Variants in GLI3 observed in about 807,000 individuals in gnomAD.
GLI3 encodes the protein transcription activator GLI3.
A neutral mutation model predicts 100.8 loss-of-function variants in GLI3; 20 were observed. The ratio of observed to expected loss-of-function variants is 0.20; its 90% CI spans 0.14 to 0.29. The LOEUF (loss-of-function observed/expected upper bound fraction) is 0.29, where lower values mean the gene tolerates loss of function less well. GLI3 is among the 10% of genes least tolerant of loss of function. The pLI is 1.00. For missense variants in GLI3, 2,040 were observed against 2,128.5 expected (o/e 0.96, Z 0.82); for synonymous variants, 938 against 860.5 (o/e 1.09, Z -1.58).
intron 3 of GLI3, among the ~76,000 whole-genome samples, chr7:42,120,738 T>C (rs557563541): frequency 9.8e-5 from 15 of 152,334 alleles, no homozygotes; most frequent in African/African-American, 3.6e-4. Context: ...TAACTTGGAA[T>C]TGGTGCATGA....
At chr7:42,025,188 GAGGA>G in intron 9 of GLI3, 72 bp downstream of exon 9, 1 of 911,516 alleles carries the variant, frequency 1.1e-6, no homozygotes, top group Non-Finnish European at 1.8e-6. Context: ...CAGGTCTGGG[GAGGA>G]AGCGGGAGCT....
intron 5 of GLI3, among the ~76,000 whole-genome samples, chr7:42,045,882 T>C (rs929753858): frequency 6.6e-6 from 1 of 152,218 alleles, no homozygotes. Context: ...TTTGCATTTC[T>C]TACAATAGTA....
At chr7:42,084,696 T>G (rs1268452348) in intron 3 of GLI3, among the ~76,000 whole-genome samples, 2 of 152,214 alleles carry the variant, frequency 1.3e-5, no homozygotes, top group African/African-American at 4.8e-5. Flanking sequence ...GGAAATCACA[T>G]GTAAACATAT....
intron 1 of GLI3, among the ~76,000 whole-genome samples, chr7:42,253,667 A>G (rs1789056165): frequency 1.3e-5 from 2 of 152,220 alleles, no homozygotes; most frequent in South Asian, 4.2e-4. Context: ...AAGTTAATTA[A>G]AATTTCTATT....
At chr7:42,140,691 T>G (rs750341241) in intron 3 of GLI3, among the ~76,000 whole-genome samples, 6 of 152,172 alleles carry the variant, frequency 3.9e-5, no homozygotes, top group Non-Finnish European at 8.8e-5. Flanking sequence ...AATCAAGCCC[T>G]TTCCCTAAGA....
chr7:42,075,696 C>G (rs1032953539), intron 4 of GLI3, among the ~76,000 whole-genome samples: 2 of 152,168 alleles, frequency 1.3e-5, no homozygotes, highest in African/African-American at 4.8e-5. Context: ...TATTACTTAC[C>G]TCCAGGCAAA....
chr7:42,018,243 A>T (rs531683410), intron 10 of GLI3, among the ~76,000 whole-genome samples: 3 of 152,346 alleles, frequency 2.0e-5, no homozygotes, highest in African/African-American at 7.2e-5. Flanking sequence ...TGTAGTTCTT[A>T]GTCTATATTT....
At chr7:42,159,813 G>A (rs1216351296) in intron 2 of GLI3, among the ~76,000 whole-genome samples, 1 of 152,200 alleles carries the variant, frequency 6.6e-6, no homozygotes, top group Non-Finnish European at 1.5e-5. Context: ...GGTGCATGCA[G>A]TATTTTGAAA....
chr7:41,977,693 T>C lies in GLI3; in HGVS notation c.1677A>G (p.Arg559=), dbSNP rs1056622280. ...TCAAGTGTGTTTTCAAGTTTTCTAG[T>C]CTCGAGTAGGCCTTTGTGCAACCTT... ...TFEGCTKAYS[R]LENLKTHLRS... is the part of the protein sequence containing the mutation. The change falls in exon 12 of 15, where the codon AGA becomes AGG. Residue 559 remains arginine, a synonymous_variant. Coordinates refer to ENST00000395925, the MANE Select transcript of GLI3 (RefSeq NM_000168.6). 1 of 1,613,996 alleles carries C rather than the reference T, an allele frequency of 6.2e-7. No homozygotes were observed. Among genetic ancestry groups the C allele is most frequent in the Non-Finnish European group, 8.5e-7 (1 of 1,179,980 alleles).
chr7:42,082,270 A>G (rs1201368638), intron 3 of GLI3, among the ~76,000 whole-genome samples: 3 of 152,048 alleles, frequency 2.0e-5, no homozygotes, highest in Non-Finnish European at 2.9e-5. Context: ...TTCTCCAGTC[A>G]TCATCCTCGT....
chr7:42,144,071 C>T (rs1434238812), intron 3 of GLI3, among the ~76,000 whole-genome samples: 1 of 152,084 alleles, frequency 6.6e-6, no homozygotes, highest in Non-Finnish European at 1.5e-5. Flanking sequence ...AAAAGGGAAG[C>T]GAATAAAAGT....
At chr7:42,157,905 C>T (rs1437836381) in intron 2 of GLI3, among the ~76,000 whole-genome samples, 1 of 152,106 alleles carries the variant, frequency 6.6e-6, no homozygotes, top group African/African-American at 2.4e-5. Context: ...TAATAACACC[C>T]CCCGCTGGTA....
rs118070755 is a variant in GLI3, at chr7:42,212,906, T to C, written c.124+10224A>G. On this transcript the variant is annotated intron_variant, in intron 2 of 14. Coordinates refer to ENST00000395925, the MANE Select transcript of GLI3 (RefSeq NM_000168.6). ...TCCAGAGCAGCCCAACACCAAACAA[T>C]AGAGCCACCTCATTAAATCCAAACC... is the stretch of plus-strand genomic sequence containing the variant. Among the ~76,000 whole-genome samples the C allele has an allele frequency of 2.7e-3, 404 of 152,292 alleles. 4 individuals carry two copies. Among genetic ancestry groups the C allele is most frequent in the African/African-American group, 9.0e-3 (375 of 41,574 alleles).
At chr7:42,238,071 A>T (rs1359616996), upstream of GLI3, among the ~76,000 whole-genome samples, 1 of 142,140 alleles carries the variant, frequency 7.0e-6, no homozygotes, top group Non-Finnish European at 1.5e-5. Flanking sequence ...CTTCACACAG[A>T]CACATTCATG....
At chr7:42,253,807 T>C (rs778457524) in intron 1 of GLI3, among the ~76,000 whole-genome samples, 1 of 152,174 alleles carries the variant, frequency 6.6e-6, no homozygotes, top group Admixed American at 6.5e-5. Flanking sequence ...GATCCTTGAG[T>C]TGAGCATCAC....
At chr7:42,212,610 C>A (rs1461878284) in intron 2 of GLI3, among the ~76,000 whole-genome samples, 2 of 152,126 alleles carry the variant, frequency 1.3e-5, no homozygotes, top group Non-Finnish European at 2.9e-5. Flanking sequence ...TCTAATTTTG[C>A]GGATTGAGAG....
intron 10 of GLI3, among the ~76,000 whole-genome samples, chr7:42,009,010 A>C (rs540960034): frequency 6.6e-6 from 1 of 152,330 alleles, no homozygotes; most frequent in South Asian, 2.1e-4. Context: ...AAACAGGTAC[A>C]CCAAATTGTT....
intron 3 of GLI3, among the ~76,000 whole-genome samples, chr7:42,114,357 G>A (rs964783840): frequency 2.0e-5 from 3 of 152,018 alleles, no homozygotes; most frequent in African/African-American, 4.8e-5. Flanking sequence ...TACTGTTAAC[G>A]ACTGTCTACC....
rs139583468 is a variant in GLI3, at chr7:42,248,375, A to G, written c.-43+15619T>C. Among the ~76,000 whole-genome samples, 452 of 152,356 alleles carry G rather than the reference A, an allele frequency of 3.0e-3. 7 individuals are homozygous for G. In the East Asian group the frequency reaches 0.036, roughly 12 times the overall value. On this transcript the variant is annotated intron_variant, in intron 1 of 2. Coordinates refer to the GLI3 transcript ENST00000678978. ...CGATCTACCATAAATGCAAAGCCAT[A>G]ACTGCTATAAACCTCAGTGATCACT...
Sources: allele counts gnomAD v4.1 joint callset (sites outside exome capture counted in the v4.1 genomes callset), GRCh38; gene constraint gnomAD v4.1.1; transcripts MANE v1.5; gene names NCBI Gene and HGNC (gene_info 2026-07-23, HGNC 2026-07-21).